The following DENND4C variants were observed in gnomAD, a reference collection of about 807,000 sequenced individuals.
DENND4C encodes the protein DENN domain containing 4C, also known as DENN domain-containing protein 4C.
Under a neutral mutation model 203.0 loss-of-function variants are expected in DENND4C, and 108 were observed. The observed-to-expected ratio is 0.53, with a 90% CI of 0.46 to 0.62. The LOEUF is 0.62. DENND4C is among the 20% of genes least tolerant of loss of function. The pLI is 0.00. For missense variants in DENND4C, 2,481 were observed against 2,301.2 expected (o/e 1.08, Z -1.60); for synonymous variants, 871 against 792.4 (o/e 1.10, Z -1.67).
intron 2 of DENND4C, among the ~76,000 whole-genome samples, chr9:19,277,515 C>T (rs1174065004): frequency 3.3e-5 from 5 of 152,074 alleles, no homozygotes; most frequent in Non-Finnish European, 1.5e-5. Flanking sequence ...GCTAATCTTG[C>T]ACTCTGCAAC....
intron 30 of DENND4C, among the ~76,000 whole-genome samples, chr9:19,364,105 C>T (rs144859405): frequency 1.1e-3 from 163 of 152,146 alleles, no homozygotes; most frequent in African/African-American, 3.7e-3. Context: ...ATCCCTTGAG[C>T]CCAGGAGTTC....
chr9:19,280,646 G>A (rs1833863778), intron 2 of DENND4C, among the ~76,000 whole-genome samples: 1 of 151,842 alleles, frequency 6.6e-6, no homozygotes, highest in Non-Finnish European at 1.5e-5. Flanking sequence ...AGGGAAACCA[G>A]CCAGGTACTT....
intron 9 of DENND4C, among the ~76,000 whole-genome samples, chr9:19,301,432 A>G (rs1429910321): frequency 6.6e-6 from 1 of 152,196 alleles, no homozygotes; most frequent in African/African-American, 2.4e-5. Flanking sequence ...CCCTCAGTAA[A>G]TACTTGTTAA....
At chr9:19,232,948 C>G (rs1820946038) in intron 1 of DENND4C, among the ~76,000 whole-genome samples, 4 of 151,568 alleles carry the variant, frequency 2.6e-5, no homozygotes, top group African/African-American at 4.9e-5. Context: ...CCTGCCAAAA[C>G]AAATACTGGT....
rs983170908 is a variant in DENND4C, at chr9:19,324,382, C to T, written c.1828C>T (p.Arg610Cys). ...CTCAGGATTTTTAAAAAGTCGAGAT[C>T]GTGCCTATGCAAAATTCTATACCCT... ...DRQGFLKSRD[R>C]AYAKFYTLLS... Residue 610 changes from arginine to cysteine, a missense_variant, in exon 13 of 33, where the codon CGT becomes TGT. Arg to Cys is a radical substitution (Grantham distance 180). Coordinates refer to ENST00000434457, the MANE Select transcript of DENND4C (RefSeq NM_001330640.2). 6.2e-6 allele frequency: 10 copies of T among 1,601,116 alleles called. No individual in the cohort carries two copies. The highest frequency in any genetic ancestry group is 2.7e-5 in the African/African-American group (2 of 73,952).
At chr9:19,325,104 A>AT (rs1843509005) in intron 13 of DENND4C, among the ~76,000 whole-genome samples, 1 of 152,084 alleles carries the variant, frequency 6.6e-6, no homozygotes, top group South Asian at 2.1e-4. Context: ...GTGAGTTTAT[A>AT]TTTTTTTAAT....
In DENND4C at chr9:19,369,405, A is replaced by C. The variant is rs1055850271; in HGVS notation, c.5525-432A>C. 2.0e-5 allele frequency among the ~76,000 whole-genome samples: 3 copies of C among 152,152 alleles called. No individual in the cohort carries two copies. The East Asian group carries it at 5.8e-4, about 29-fold the overall frequency. On this transcript the variant is annotated intron_variant, in intron 30 of 32. Transcript: ENST00000434457. ...TTTTAGTTGGGCACACTGCCACATA[A>C]TTTTACTAGTAGTGGGGAAGTGCTA...
chr9:19,310,740 G>A (rs1257051053), intron 10 of DENND4C, among the ~76,000 whole-genome samples: 1 of 152,002 alleles, frequency 6.6e-6, no homozygotes, highest in East Asian at 1.9e-4. Flanking sequence ...ACGCACATGT[G>A]TGAGATGTGC....
chr9:19,371,321 G>C (rs1828791350), intron 31 of DENND4C: 1 of 156,792 alleles, frequency 6.4e-6, no homozygotes, highest in Admixed American at 6.5e-5. Context: ...AAGGGTTTTA[G>C]ACCCCTAACT....
chr9:19,353,769 C>CA (rs1425851672), intron 26 of DENND4C, among the ~76,000 whole-genome samples: 1 of 151,986 alleles, frequency 6.6e-6, no homozygotes, highest in African/African-American at 2.4e-5. Flanking sequence ...CCCATCTCTA[C>CA]AAAAAAATAC....
intron 10 of DENND4C, among the ~76,000 whole-genome samples, chr9:19,311,180 G>T (rs1434551639): frequency 6.6e-6 from 1 of 152,184 alleles, no homozygotes. Context: ...ATGGAGTAGA[G>T]TGGCCCAATC....
Position 19,346,170 on chromosome 9 carries a change from C to G in DENND4C, c.3401C>G (p.Thr1134Arg), listed in dbSNP as rs2132000373. 6.2e-7 allele frequency: 1 copy of G among 1,614,204 alleles called. No individual in the cohort carries two copies. The highest frequency in any genetic ancestry group is 2.2e-5 in the East Asian group (1 of 44,884). Reference protein sequence around the residue: ...ADAKILTAALTCPKTSLLHIA... With the variant: ...ADAKILTAALRCPKTSLLHIA... ...GCCAAGATTCTCACAGCAGCATTGA[C>G]ATGTCCTAAGACTTCTCTACTTCAT... The change falls in exon 23 of 33, where the codon ACA becomes AGA. Residue 1134 changes from threonine (T) to arginine (R), a missense_variant. By Grantham distance (71) the Thr-to-Arg change is moderately conservative. Coordinates refer to ENST00000434457, the MANE Select transcript of DENND4C (RefSeq NM_001330640.2).
rs1233549342 is a variant in DENND4C at position 19,316,702 on chromosome 9, A to G, written c.1670A>G (p.Gln557Arg). 1.9e-6 allele frequency: 3 copies of G among 1,614,148 alleles called. No individual in the cohort carries two copies. Among genetic ancestry groups the G allele is most frequent in the Non-Finnish European group, 2.5e-6 (3 of 1,180,006 alleles). The change falls in exon 12 of 33, where the codon CAG becomes CGG. Residue 557 changes from glutamine (Q) to arginine (R), a missense_variant. Around this residue, in one of 3 missense-constraint regions of DENND4C, gnomAD observed 2,289 missense variants for 2,113.3 expected, o/e 1.08. Transcript: ENST00000434457. ...ADFSWQKKMT[Q>R]LEMEIQEAFL... is the part of the protein sequence containing the mutation. ...TTCTCCTGGCAAAAGAAGATGACAC[A>G]GCTTGAGATGGAAATTCAAGAGGCA...
intron 9 of DENND4C, among the ~76,000 whole-genome samples, chr9:19,304,439 C>T (rs889788391): frequency 6.6e-6 from 1 of 152,098 alleles, no homozygotes; most frequent in African/African-American, 2.4e-5. Context: ...TCACCTCAGC[C>T]TCCCAAAGTG....
chr9:19,329,023 T>G (rs1035004884), intron 16 of DENND4C, among the ~76,000 whole-genome samples: 31 of 152,164 alleles, frequency 2.0e-4, no homozygotes, highest in African/African-American at 7.5e-4. Flanking sequence ...CACTCCAGCC[T>G]GGGCAACAAG....
At chr9:19,236,362 CT>C (rs1179491027) in intron 1 of DENND4C, among the ~76,000 whole-genome samples, 14 of 152,188 alleles carry the variant, frequency 9.2e-5, no homozygotes, top group African/African-American at 3.1e-4. Flanking sequence ...AATAAGACAT[CT>C]GATTAAAAAC....
rs1376408310 is a variant in DENND4C at position 19,299,402 on chromosome 9, TTA to T, written c.1166+117_1166+118del. 5.5e-6 allele frequency: 4 copies of T among 724,944 alleles called. No individual in the cohort carries two copies. The African/African-American group carries it at 7.6e-5, about 14-fold the overall frequency. The allele number at this position is 724,944 out of a possible 1,614,324, so 44.9% of individuals were successfully genotyped here. On this transcript the variant is annotated intron_variant, in intron 8 of 32. Coordinates refer to ENST00000434457, the MANE Select transcript of DENND4C (RefSeq NM_001330640.2). Reference sequence around the variant, plus strand: ...AGTGATTGTTATTTTACAATTAACTTTATTAGTTAAAACTAGGCAAAAATAGC... The same window carrying T: ...AGTGATTGTTATTTTACAATTAACTTTTAGTTAAAACTAGGCAAAAATAGC...
chr9:19,239,571 C>A (rs958867947), intron 1 of DENND4C, among the ~76,000 whole-genome samples: 1 of 152,032 alleles, frequency 6.6e-6, no homozygotes, highest in Non-Finnish European at 1.5e-5. Flanking sequence ...ACTGCAACCT[C>A]CACCTCCCAG....
At chr9:19,244,428 A>G (rs1588723286) in intron 1 of DENND4C, among the ~76,000 whole-genome samples, 2 of 151,816 alleles carry the variant, frequency 1.3e-5, no homozygotes, top group African/African-American at 4.8e-5. Flanking sequence ...CTGATTAGCT[A>G]TATGTCTTGA....
Sources: allele counts gnomAD v4.1 joint callset (sites outside exome capture counted in the v4.1 genomes callset), GRCh38; gene constraint gnomAD v4.1.1; regional missense constraint gnomAD v4.1.1; transcripts MANE v1.5; gene names NCBI Gene and HGNC (gene_info 2026-07-23, HGNC 2026-07-21).